Variants in SLC44A5 observed in about 807,000 individuals in gnomAD.
SLC44A5 encodes the protein solute carrier family 44 member 5.
Under a neutral mutation model 101.8 loss-of-function variants are expected in SLC44A5, and 57 were observed. That is an observed-to-expected ratio of 0.56 (90% CI 0.45 to 0.70). The LOEUF (loss-of-function observed/expected upper bound fraction) is 0.70. Among genes scored for constraint, SLC44A5 ranks in the 30% least tolerant of loss-of-function variants. The probability of loss-of-function intolerance (pLI) is 0.00; values close to 1 mark genes in which losing one functional copy is unlikely to be tolerated. For missense variants in SLC44A5, 737 were observed against 853.1 expected (o/e 0.86, Z 1.70); for synonymous variants, 281 against 290.9 (o/e 0.97, Z 0.35).
At chr1:75,268,783 C>A (rs1213667895) in intron 6 of SLC44A5, among the ~76,000 whole-genome samples, 1 of 151,984 alleles carries the variant, frequency 6.6e-6, no homozygotes, top group African/African-American at 2.4e-5. Context: ...GAGCACATTT[C>A]CTTGCCAATA....
chr1:75,646,465 C>T, the SLC44A5 span, among the ~76,000 whole-genome samples: 1 of 151,972 alleles, frequency 6.6e-6, no homozygotes, highest in Non-Finnish European at 1.5e-5. Context: ...AAATGAAGGC[C>T]CAAAGAAATA....
In SLC44A5 at chr1:75,469,713, G is replaced by C. The variant is rs192734930; in HGVS notation, c.13+71722C>G. Reference sequence around the variant, plus strand: ...CAGAAGGATTGCTTGAGACCAACGGGAGACATAGCAAGACGCTGTCTGAAC... The same window carrying C: ...CAGAAGGATTGCTTGAGACCAACGGCAGACATAGCAAGACGCTGTCTGAAC... On this transcript the variant is annotated intron_variant, in intron 2 of 23. Coordinates refer to ENST00000370859, the MANE Select transcript of SLC44A5 (RefSeq NM_001130058.2). Among the ~76,000 whole-genome samples the C allele has an allele frequency of 4.4e-3, 673 of 152,130 alleles. 6 individuals carry two copies. Among genetic ancestry groups the C allele is most frequent in the African/African-American group, 0.016 (647 of 41,516 alleles).
chr1:75,427,142 G>T (rs1417564828), intron 2 of SLC44A5, among the ~76,000 whole-genome samples: 1 of 152,150 alleles, frequency 6.6e-6, no homozygotes, highest in Non-Finnish European at 1.5e-5. Flanking sequence ...GATGCATGAG[G>T]CTTGCAGAAT....
At chr1:75,332,029 C>T (rs1365174567) in intron 4 of SLC44A5, among the ~76,000 whole-genome samples, 1 of 152,140 alleles carries the variant, frequency 6.6e-6, no homozygotes, top group Non-Finnish European at 1.5e-5. Flanking sequence ...CCTATTTCTT[C>T]CCTCTTCCAA....
chr1:75,412,100 T>A (rs1663318256), intron 2 of SLC44A5, among the ~76,000 whole-genome samples: 2 of 152,180 alleles, frequency 1.3e-5, no homozygotes, highest in African/African-American at 4.8e-5. Context: ...GAAGAAAATA[T>A]AGCACTTCAC....
chr1:75,294,593 T>C (rs923123559), intron 5 of SLC44A5, among the ~76,000 whole-genome samples: 4 of 152,096 alleles, frequency 2.6e-5, no homozygotes, highest in Non-Finnish European at 5.9e-5. Context: ...TATCGATCAA[T>C]AGTTGAATGG....
intron 3 of SLC44A5, among the ~76,000 whole-genome samples, chr1:75,374,829 C>A (rs1312635123): frequency 1.3e-5 from 2 of 152,178 alleles, no homozygotes; most frequent in African/African-American, 2.4e-5. Context: ...ACACCACAGT[C>A]AAACACAAAA....
chr1:75,608,837 C>A (rs150594947), intron 1 of SLC44A5, among the ~76,000 whole-genome samples: 2 of 152,006 alleles, frequency 1.3e-5, no homozygotes, highest in Non-Finnish European at 2.9e-5. Flanking sequence ...TTAATACTTG[C>A]AGCTGGCCCA....
the SLC44A5 span, among the ~76,000 whole-genome samples, chr1:75,672,557 T>C: frequency 6.6e-6 from 1 of 152,120 alleles, no homozygotes; most frequent in Non-Finnish European, 1.5e-5. Context: ...CAAGTCCTGG[T>C]CCTGTGCTGG....
In SLC44A5 at chr1:75,275,127, C is replaced by T. The variant is rs755326425; in HGVS notation, c.176-85G>A. On this transcript the variant is annotated intron_variant, in intron 5 of 23. Coordinates refer to ENST00000370859, the MANE Select transcript of SLC44A5 (RefSeq NM_001130058.2). Reference sequence around the variant, plus strand: ...TTTGAGATATTAGAATGCACCACTGCAACACACTAACCTCTCCCCTCAGTC... The same window carrying T: ...TTTGAGATATTAGAATGCACCACTGTAACACACTAACCTCTCCCCTCAGTC... 89 of 893,970 alleles carry T rather than the reference C, an allele frequency of 1.0e-4. 2 individuals carry two copies. In the Admixed American group the frequency reaches 1.7e-3, roughly 17 times the overall value. 55.4% of individuals were successfully genotyped at this position (893,970 alleles called of 1,614,324 possible).
At chr1:75,281,641 C>T (rs886790179) in intron 5 of SLC44A5, among the ~76,000 whole-genome samples, 10 of 94,964 alleles carry the variant, frequency 1.1e-4, no homozygotes, top group African/African-American at 3.5e-4. Flanking sequence ...GCCAGGCCCC[C>T]CCCCCCCCCC....
At chr1:75,417,425 C>A (rs1224514097) in intron 2 of SLC44A5, among the ~76,000 whole-genome samples, 1 of 152,200 alleles carries the variant, frequency 6.6e-6, no homozygotes, top group East Asian at 1.9e-4. Flanking sequence ...ATGTCTTTAT[C>A]AGCAGTGTGA....
chr1:75,394,817 A>G (rs1260759389), intron 3 of SLC44A5, among the ~76,000 whole-genome samples: 2 of 152,050 alleles, frequency 1.3e-5, no homozygotes, highest in African/African-American at 4.8e-5. Context: ...CATCCACCCA[A>G]TTGAAATCCA....
intron 3 of SLC44A5, among the ~76,000 whole-genome samples, chr1:75,362,164 T>A (rs1400186184): frequency 6.6e-6 from 1 of 152,000 alleles, no homozygotes; most frequent in Non-Finnish European, 1.5e-5. Flanking sequence ...TCTCTTTTCA[T>A]GTTTGATTTT....
intron 2 of SLC44A5, among the ~76,000 whole-genome samples, chr1:75,519,856 T>C (rs1234456905): frequency 1.3e-5 from 2 of 152,270 alleles, no homozygotes; most frequent in Non-Finnish European, 2.9e-5. Flanking sequence ...AGACATCTCT[T>C]TGGATTGCTG....
At chr1:75,646,822 A>T in the SLC44A5 span, among the ~76,000 whole-genome samples, 1 of 152,184 alleles carries the variant, frequency 6.6e-6, no homozygotes, top group Non-Finnish European at 1.5e-5. Flanking sequence ...TTTGAACTTG[A>T]GAGAGATAAT....
chr1:75,390,386 G>A (rs1661705065), intron 3 of SLC44A5, among the ~76,000 whole-genome samples: 2 of 121,508 alleles, frequency 1.6e-5, no homozygotes, highest in African/African-American at 3.3e-5. Context: ...TACCCTTGAT[G>A]AACTTAGACA....
intron 2 of SLC44A5, among the ~76,000 whole-genome samples, chr1:75,447,454 T>A (rs551087992): frequency 1.1e-4 from 16 of 152,248 alleles, no homozygotes; most frequent in Admixed American, 3.3e-4. Context: ...ATAGAAAGTG[T>A]TTTGATAGAA....
intron 2 of SLC44A5, among the ~76,000 whole-genome samples, chr1:75,411,024 C>T (rs1023132453): frequency 2.6e-5 from 4 of 152,088 alleles, no homozygotes; most frequent in Admixed American, 2.0e-4. Flanking sequence ...AAAATTAAAA[C>T]GTGATGATCA....
Sources: gnomAD v4.1 joint callset for allele counts (sites outside exome capture counted in the v4.1 genomes callset) on GRCh38, gnomAD v4.1.1 for gene constraint, MANE v1.5 for transcripts, NCBI Gene and HGNC (gene_info 2026-07-23, HGNC 2026-07-21) for gene names.